Variants in MTREX observed in about 807,000 individuals in gnomAD.
The protein encoded by MTREX is exosome RNA helicase MTR4.
A neutral mutation model predicts 135.4 loss-of-function variants in MTREX; 76 were observed. The observed-to-expected ratio is 0.56, with a 90% confidence interval of 0.47 to 0.68. The LOEUF (loss-of-function observed/expected upper bound fraction) is 0.68, where lower values mean the gene tolerates loss of function less well. Among genes scored for constraint, MTREX ranks in the 30% least tolerant of loss-of-function variants. MTREX has a pLI of 0.00. For synonymous variants in MTREX, 404 were observed against 401.6 expected, an observed-to-expected ratio of 1.01 and a Z score of -0.07; for missense variants, 920 against 1,262.1, an observed-to-expected ratio of 0.73 and a Z score of 4.11.
At chr5:55,424,185 G>A (rs1057092089) in intron 26 of MTREX, 1 of 152,050 alleles carries the variant, frequency 6.6e-6, no homozygotes, top group Non-Finnish European at 1.5e-5. Flanking sequence ...TGTTGCCCCA[G>A]GCTGGAGTGC....
At chr5:55,378,633 A>G in intron 17 of MTREX, 147 bp downstream of exon 17, 2 of 985,700 alleles carry the variant, frequency 2.0e-6, no homozygotes, top group Non-Finnish European at 2.8e-6. Context: ...TACCTGTTTC[A>G]CATGGCACTA....
chr5:55,407,678 T>G (rs771490433), intron 22 of MTREX, among the ~76,000 whole-genome samples: 1 of 152,214 alleles, frequency 6.6e-6, no homozygotes, highest in Non-Finnish European at 1.5e-5. Flanking sequence ...TGGCCTCAAT[T>G]ACTGCAGTTG....
At chr5:55,410,993 A>G (rs1221881926) in intron 23 of MTREX, among the ~76,000 whole-genome samples, 1 of 152,200 alleles carries the variant, frequency 6.6e-6, no homozygotes, top group Non-Finnish European at 1.5e-5. Flanking sequence ...GTGAGGTTGA[A>G]TTAACTCTCC....
intron 16 of MTREX, among the ~76,000 whole-genome samples, chr5:55,370,038 C>A (rs1470249814): frequency 6.6e-6 from 1 of 152,068 alleles, no homozygotes; most frequent in Non-Finnish European, 1.5e-5. Context: ...ATTCTCCTGC[C>A]TCAGCCTCTC....
chr5:55,386,771 T>G (rs1392435594), intron 18 of MTREX, among the ~76,000 whole-genome samples: 1 of 152,144 alleles, frequency 6.6e-6, no homozygotes, highest in Admixed American at 6.5e-5. Context: ...GGGGTTTTTT[T>G]GTCCAGATAC....
intron 23 of MTREX, among the ~76,000 whole-genome samples, chr5:55,411,349 A>G (rs1750882020): frequency 6.6e-6 from 1 of 152,222 alleles, no homozygotes; most frequent in African/African-American, 2.4e-5. Context: ...CTGCCTTCTA[A>G]AAATAATTTA....
chr5:55,365,251 T>A (rs1445005932), intron 15 of MTREX, among the ~76,000 whole-genome samples: 1 of 152,112 alleles, frequency 6.6e-6, no homozygotes, highest in Non-Finnish European at 1.5e-5. Flanking sequence ...TAGATGAAGT[T>A]CTTTAATCTC....
At chr5:55,325,415 T>C (rs1749362286) in intron 3 of MTREX, among the ~76,000 whole-genome samples, 1 of 149,052 alleles carries the variant, frequency 6.7e-6, no homozygotes, top group Non-Finnish European at 1.5e-5. Flanking sequence ...CACTGCAACC[T>C]CCACGTCCCA....
At chr5:55,423,495 AGAG>A (rs1394584322) in intron 26 of MTREX, 2 of 153,532 alleles carry the variant, frequency 1.3e-5, no homozygotes, top group African/African-American at 4.8e-5. Flanking sequence ...GGCAGTGAGT[AGAG>A]GAGTAGGGGT....
chr5:55,400,258 G>T lies in MTREX; in HGVS notation c.2318G>T (p.Gly773Val). ...GAAGTTCAGAAACGTTTTCCTGACG[G>T]CATCCCCTTATTAGACCCTATTGAT... Reference protein sequence around the residue: ...IQEVQKRFPDGIPLLDPIDDM... With the variant: ...IQEVQKRFPDVIPLLDPIDDM... The change falls in exon 21 of 27, where the codon GGC becomes GTC. Residue 773 changes from glycine (G) to valine (V), a missense_variant. By Grantham distance (109) the Gly-to-Val change is moderately radical. This residue lies in a region of MTREX where 467 missense variants were observed against 589.7 expected (regional missense o/e 0.79). Coordinates refer to ENST00000230640, the MANE Select transcript of MTREX (RefSeq NM_015360.5). 6.4e-7 allele frequency: 1 copy of T among 1,573,454 alleles called. No homozygotes were observed. Among genetic ancestry groups the T allele is most frequent in the Admixed American group, 2.0e-5 (1 of 51,050 alleles).
chr5:55,410,723 A>C, intron 23 of MTREX, 94 bp downstream of exon 23: 3 of 610,228 alleles, frequency 4.9e-6, no homozygotes, highest in Non-Finnish European at 8.1e-6. Context: ...ACTAATATTT[A>C]CATATTATAA....
chr5:55,322,814 A>G (rs1370538272), intron 2 of MTREX, among the ~76,000 whole-genome samples: 1 of 152,220 alleles, frequency 6.6e-6, no homozygotes, highest in East Asian at 1.9e-4. Context: ...AGTGGAAGGA[A>G]TAAGTGGGAA....
chr5:55,402,386 A>G (rs1372030451), intron 21 of MTREX, among the ~76,000 whole-genome samples: 3 of 152,180 alleles, frequency 2.0e-5, no homozygotes, highest in Non-Finnish European at 4.4e-5. Context: ...CAGTCCCTCC[A>G]TGGCCACCAG....
At chr5:55,308,891 G>T (rs1749041357) in intron 1 of MTREX, among the ~76,000 whole-genome samples, 1 of 152,106 alleles carries the variant, frequency 6.6e-6, no homozygotes, top group Admixed American at 6.5e-5. Flanking sequence ...GGCATTGTGG[G>T]GCCAGATACC....
chr5:55,308,980 A>T (rs959755772), intron 1 of MTREX, among the ~76,000 whole-genome samples: 14 of 150,612 alleles, frequency 9.3e-5, no homozygotes, highest in Admixed American at 5.9e-4. Context: ...ACAGGTACCC[A>T]TTAAAGAGTT....
intron 1 of MTREX, among the ~76,000 whole-genome samples, chr5:55,314,024 A>G (rs1749160009): frequency 6.6e-6 from 1 of 152,096 alleles, no homozygotes. Context: ...GCAGTCCTTC[A>G]ATCAATGTTC....
chr5:55,399,048 T>C (rs1342773692), intron 20 of MTREX, among the ~76,000 whole-genome samples: 1 of 152,204 alleles, frequency 6.6e-6, no homozygotes, highest in Non-Finnish European at 1.5e-5. Context: ...TTTTAGTGTT[T>C]TCTCTGTTCT....
At position 55,343,319 on chromosome 5, in the gene MTREX, TA is replaced by T. The variant is rs1416496988; in HGVS notation, c.782-11del. ...CCAACTATAGTCCAAAGTATATATT[TA>T]TTTTTTTCAGAACGTGGTGTAGTAT... is the stretch of plus-strand genomic sequence containing the variant. On this transcript the variant is annotated splice_polypyrimidine_tract_variant and intron_variant, in intron 7 of 26. Coordinates refer to ENST00000230640, the MANE Select transcript of MTREX (RefSeq NM_015360.5). 2 of 1,600,830 alleles carry T rather than the reference TA, an allele frequency of 1.2e-6. No individual in the cohort carries two copies. Among genetic ancestry groups the T allele is most frequent in the African/African-American group, 2.7e-5 (2 of 74,336 alleles).
chr5:55,379,573 GACACACACACACACACACACACACAC>G (rs60169736), intron 18 of MTREX, among the ~76,000 whole-genome samples: 1 of 143,806 alleles, frequency 7.0e-6, no homozygotes, highest in African/African-American at 2.6e-5. Context: ...AAATCTCCCT[GACACACACACACACACACACACACAC>G]ACACACACAC....
Sources: allele counts gnomAD v4.1 joint callset (sites outside exome capture counted in the v4.1 genomes callset), GRCh38; gene constraint gnomAD v4.1.1; regional missense constraint gnomAD v4.1.1; transcripts MANE v1.5; gene names NCBI Gene and HGNC (gene_info 2026-07-23, HGNC 2026-07-21).